The following CTNNB1 variants were observed in gnomAD, a reference collection of about 807,000 sequenced individuals.
CTNNB1 encodes the protein catenin beta 1, also known as catenin beta-1.
Under a neutral mutation model 82.5 loss-of-function variants are expected in CTNNB1, and 6 were observed. That is an observed-to-expected ratio of 0.07 (90% confidence interval 0.04 to 0.14). The LOEUF is 0.14. CTNNB1 is among the 10% of genes least tolerant of loss of function. CTNNB1 has a pLI of 1.00. For missense variants in CTNNB1, 529 were observed against 980.4 expected (o/e 0.54, Z 6.15); for synonymous variants, 312 against 329.7 (o/e 0.95, Z 0.58).
intron 3 of CTNNB1, 52 bp from the exon 4 acceptor site, chr3:41,224,902 C>T: frequency 1.2e-6 from 2 of 1,613,520 alleles, no homozygotes; most frequent in South Asian, 2.2e-5. Context: ...ATAGCAAATA[C>T]TTAGGTAAAT....
chr3:41,225,081 G>T lies in CTNNB1; in HGVS notation c.369G>T (p.Gln123His), dbSNP rs758551763. Reference sequence around the variant, plus strand: ...ATGCTGCTCATCCCACTAATGTCCAGCGTTTGGCTGAACCATCACAGATGC... The same window carrying T: ...ATGCTGCTCATCCCACTAATGTCCATCGTTTGGCTGAACCATCACAGATGC... ...QFDAAHPTNV[Q>H]RLAEPSQMLK... The change falls in exon 4 of 15, where the codon CAG (glutamine) becomes CAT (histidine). Residue 123 changes from glutamine (Q) to histidine (H), a missense_variant. Gln to His is a conservative substitution (Grantham distance 24). Coordinates refer to ENST00000349496, the MANE Select transcript of CTNNB1 (RefSeq NM_001904.4). The surrounding 1 kb of genome is among the most constrained non-coding windows in gnomAD (Gnocchi z 5.3). 1.2e-6 allele frequency: 2 copies of T among 1,614,106 alleles called. No homozygotes were observed. Among genetic ancestry groups the T allele is most frequent in the Non-Finnish European group, 1.7e-6 (2 of 1,179,996 alleles).
intron 1 of CTNNB1, chr3:41,221,728 C>T (rs1040821893): frequency 4.7e-4 from 71 of 152,284 alleles, no homozygotes; most frequent in African/African-American, 1.7e-3. Context: ...CTGAAATGTC[C>T]TTATGCAGTG....
At chr3:41,212,619 G>T (rs774381693) in intron 1 of CTNNB1, among the ~76,000 whole-genome samples, 24 of 152,148 alleles carry the variant, frequency 1.6e-4, no homozygotes, top group Non-Finnish European at 2.6e-4. Context: ...GAAATGTTCA[G>T]TATCTGTGCT....
rs1423029449 is a variant in CTNNB1 at position 41,239,118 on chromosome 3, A to G, written c.2138-16A>G. On this transcript the variant is annotated splice_polypyrimidine_tract_variant and intron_variant, in intron 14 of 14. Coordinates refer to ENST00000349496, the MANE Select transcript of CTNNB1 (RefSeq NM_001904.4). Reference sequence around the variant, plus strand: ...CTTCCTTCTTGCCTATTTTGTTGACACCCTGACTCTTCTAGATCCTAGCTA... The same window carrying G: ...CTTCCTTCTTGCCTATTTTGTTGACGCCCTGACTCTTCTAGATCCTAGCTA... The G allele has an allele frequency of 1.2e-6, 2 of 1,610,442 alleles. No homozygotes were observed. Among genetic ancestry groups the G allele is most frequent in the East Asian group, 2.2e-5 (1 of 44,844 alleles).
rs1169532305 is a variant in CTNNB1, at chr3:41,240,261, T to A, written c.*919T>A. On this transcript the variant is annotated 3_prime_UTR_variant, in exon 15 of 15. Coordinates refer to ENST00000349496, the MANE Select transcript of CTNNB1 (RefSeq NM_001904.4). ...AGGTGGATCTATTTCATGTTTTTGA[T>A]CAAAAACTATTTGGGATATGTATGG... 5.2e-6 allele frequency: 1 copy of A among 193,960 alleles called. No homozygotes were observed. Among genetic ancestry groups the A allele is most frequent in the Non-Finnish European group, 1.1e-5 (1 of 92,804 alleles). The allele number at this position is 193,960 out of a possible 1,614,324, so 12.0% of individuals were successfully genotyped here.
In CTNNB1 at chr3:41,216,877, A is replaced by G. The variant is rs11564442; in HGVS notation, c.-48-7144A>G. ...CTTTTTCGTTCTCTTTAATGACTAT[A>G]TGGTATTCCACCATCCCCCGCTCAC... is the stretch of plus-strand genomic sequence containing the variant. On this transcript the variant is annotated intron_variant, in intron 1 of 14. Transcript: ENST00000349496. Among the ~76,000 whole-genome samples, 9 of 152,146 alleles carry G rather than the reference A, an allele frequency of 5.9e-5. No individual in the cohort carries two copies. In the South Asian group the frequency reaches 1.5e-3, roughly 25 times the overall value.
chr3:41,205,655 A>C (rs1230510337), intron 1 of CTNNB1, among the ~76,000 whole-genome samples: 1 of 152,026 alleles, frequency 6.6e-6, no homozygotes, highest in Non-Finnish European at 1.5e-5. Flanking sequence ...CAGCTGGGGC[A>C]ACAGAGCGAG....
At position 41,239,898 on chromosome 3, in the gene CTNNB1, C is replaced by T. The variant is rs1441688511; in HGVS notation, c.*556C>T. On this transcript the variant is annotated 3_prime_UTR_variant, in exon 15 of 15. Coordinates refer to ENST00000349496, the MANE Select transcript of CTNNB1 (RefSeq NM_001904.4). ...GAATGGATCACAAGATGGAATTTATCAAACCCTAGCCTTGCTTGTTAAATT... is the reference window on the plus strand; with the variant it reads ...GAATGGATCACAAGATGGAATTTATTAAACCCTAGCCTTGCTTGTTAAATT... The T allele has an allele frequency of 1.0e-5, 2 of 198,076 alleles. No individual in the cohort carries two copies. Among genetic ancestry groups the T allele is most frequent in the African/African-American group, 2.4e-5 (1 of 41,224 alleles). The allele number at this position is 198,076 out of a possible 1,614,324, so 12.3% of individuals were successfully genotyped here.
At chr3:41,210,752 T>C (rs1216700641) in intron 1 of CTNNB1, among the ~76,000 whole-genome samples, 1 of 152,104 alleles carries the variant, frequency 6.6e-6, no homozygotes, top group African/African-American at 2.4e-5. Flanking sequence ...ACAATCATTA[T>C]CATTATCAAG....
intron 1 of CTNNB1, among the ~76,000 whole-genome samples, chr3:41,216,023 T>TG (rs1432347946): frequency 2.0e-5 from 3 of 152,124 alleles, no homozygotes; most frequent in African/African-American, 7.2e-5. Flanking sequence ...AACTTTGGTA[T>TG]GGGGGGTGGA....
intron 10 of CTNNB1, 112 bp from the exon 11 acceptor site, chr3:41,235,608 AATTG>A: frequency 7.4e-7 from 1 of 1,360,044 alleles, no homozygotes; most frequent in South Asian, 1.2e-5. Context: ...TTCCTGAACT[AATTG>A]CAAGTTACGG....
chr3:41,235,573 T>G (rs2078414743), intron 10 of CTNNB1, 151 bp from the exon 11 acceptor site: 1 of 1,013,682 alleles, frequency 9.9e-7, no homozygotes, highest in South Asian at 1.3e-5. Flanking sequence ...TTCAGTGACA[T>G]TCAAGTTAAT....
intron 1 of CTNNB1, chr3:41,200,214 G>A (rs960681776): frequency 1.3e-5 from 2 of 152,206 alleles, no homozygotes; most frequent in Non-Finnish European, 1.5e-5. Context: ...TCATTCTTAA[G>A]AATAGAAGTG....
At chr3:41,226,907 C>T (rs1267903940) in intron 6 of CTNNB1, among the ~76,000 whole-genome samples, 1 of 152,092 alleles carries the variant, frequency 6.6e-6, no homozygotes, top group African/African-American at 2.4e-5. Flanking sequence ...CTCTTGCCTA[C>T]CAACATAGTT....
At chr3:41,203,145 A>G (rs1294454547) in intron 1 of CTNNB1, among the ~76,000 whole-genome samples, 1 of 150,078 alleles carries the variant, frequency 6.7e-6, no homozygotes, top group Non-Finnish European at 1.5e-5. Flanking sequence ...GTGTTGGAGC[A>G]TGTTTTCATT....
At chr3:41,208,361 C>A (rs1484774046) in intron 1 of CTNNB1, among the ~76,000 whole-genome samples, 1 of 152,142 alleles carries the variant, frequency 6.6e-6, no homozygotes, top group Admixed American at 6.5e-5. Flanking sequence ...TCCTTGATTT[C>A]TTCTCCAGTG....
At chr3:41,214,080 T>C (rs1405660954) in intron 1 of CTNNB1, among the ~76,000 whole-genome samples, 1 of 152,214 alleles carries the variant, frequency 6.6e-6, no homozygotes, top group African/African-American at 2.4e-5. Flanking sequence ...CTTACGCTAG[T>C]GGTTACTCTG....
At chr3:41,210,074 C>A (rs1251424860) in intron 1 of CTNNB1, among the ~76,000 whole-genome samples, 1 of 152,138 alleles carries the variant, frequency 6.6e-6, no homozygotes, top group Non-Finnish European at 1.5e-5. Flanking sequence ...ATACATTGTA[C>A]AGCTGTACAA....
At chr3:41,200,303 T>C (rs1393991973) in intron 1 of CTNNB1, 1 of 152,198 alleles carries the variant, frequency 6.6e-6, no homozygotes, top group Admixed American at 6.5e-5. Flanking sequence ...AAACTCTAAG[T>C]GCAGCGGGTG....
Sources: allele counts gnomAD v4.1 joint callset (sites outside exome capture counted in the v4.1 genomes callset), GRCh38; gene constraint gnomAD v4.1.1; non-coding constraint Gnocchi (gnomAD v3.1); transcripts MANE v1.5; gene names NCBI Gene and HGNC (gene_info 2026-07-23, HGNC 2026-07-21).